Variants in EREG observed in about 807,000 individuals in gnomAD.
The protein encoded by EREG is proepiregulin.
EREG carries 23 observed loss-of-function variants against 22.4 expected under a neutral mutation model. That is an observed-to-expected ratio of 1.03 (90% CI 0.74 to 1.46). EREG has a LOEUF of 1.46. Among genes scored for constraint, EREG ranks in the 40% most tolerant of loss-of-function variants. The pLI is 0.00. For missense variants in EREG, 226 were observed against 205.9 expected, an observed-to-expected ratio of 1.10 and a Z score of -0.60; for synonymous variants, 100 against 75.4, an observed-to-expected ratio of 1.33 and a Z score of -1.69.
intron 1 of EREG, among the ~76,000 whole-genome samples, chr4:74,365,915 G>T (rs1378914652): frequency 2.0e-5 from 3 of 152,148 alleles, no homozygotes; most frequent in Non-Finnish European, 4.4e-5. Flanking sequence ...AGACACAAGA[G>T]AAATAAAACA....
chr4:74,378,433 G>T (rs920629363), intron 1 of EREG, among the ~76,000 whole-genome samples: 1 of 151,988 alleles, frequency 6.6e-6, no homozygotes, highest in Non-Finnish European at 1.5e-5. Context: ...TATCCCCCAC[G>T]GTAGGTATTA....
rs370226842 is a variant in EREG at position 74,365,967 on chromosome 4, C to T, written c.67+592C>T. Among the ~76,000 whole-genome samples the T allele has an allele frequency of 3.1e-3, 467 of 152,182 alleles. 1 individual carries two copies. Among genetic ancestry groups the T allele is most frequent in the Non-Finnish European group, 5.5e-3 (377 of 68,002 alleles). On this transcript the variant is annotated intron_variant, in intron 1 of 4. Coordinates refer to ENST00000244869, the MANE Select transcript of EREG (RefSeq NM_001432.3). Reference sequence around the variant, plus strand: ...GGAGCAGAAGGGCCCTGGGCAGGTCCTGGCGCTCCCCACCGCCCTTCGCCC... The same window carrying T: ...GGAGCAGAAGGGCCCTGGGCAGGTCTTGGCGCTCCCCACCGCCCTTCGCCC...
At chr4:74,372,974 ATTTTTTTTT>A (rs35483998) in intron 1 of EREG, among the ~76,000 whole-genome samples, 1 of 63,148 alleles carries the variant, frequency 1.6e-5, no homozygotes, top group Admixed American at 2.1e-4. Context: ...CATCTGGCTA[ATTTTTTTTT>A]TTTTTTTTTT....
In EREG at chr4:74,365,192, C is replaced by A; in HGVS notation, c.-117C>A. ...CAGAGGGACACAGCCAACGTGGGGTCCCTTCTAGGCTGACAGCCGCTCTCC... is the reference window on the plus strand; with the variant it reads ...CAGAGGGACACAGCCAACGTGGGGTACCTTCTAGGCTGACAGCCGCTCTCC... On this transcript the variant is annotated 5_prime_UTR_variant, in exon 1 of 5. Transcript: ENST00000244869. 1 of 739,118 alleles carries A rather than the reference C, an allele frequency of 1.4e-6. No individual in the cohort carries two copies. Among genetic ancestry groups the A allele is most frequent in the South Asian group, 1.6e-5 (1 of 63,478 alleles). 45.8% of individuals were successfully genotyped at this position (739,118 alleles called of 1,614,324 possible).
Position 74,382,647 on chromosome 4 carries a change from G to C in EREG, c.281G>C (p.Cys94Ser), listed in dbSNP as rs1752497455. The change falls in exon 4 of 5, where the codon TGT becomes TCT. Residue 94 changes from cysteine (C) to serine (S), a missense_variant and splice_region_variant. Physicochemically the swap from Cys to Ser is moderately radical, Grantham distance 112. Transcript: ENST00000244869. The part of the protein sequence containing the change: ...LVDMSQNYCR[C>S]EVGYTGVRCE... ...CTTTCTTCCGTATTTTCCTTCAGGTGTGAAGTGGGTTATACTGGTGTCCGA... is the reference window on the plus strand; with the variant it reads ...CTTTCTTCCGTATTTTCCTTCAGGTCTGAAGTGGGTTATACTGGTGTCCGA... 3 of 1,579,000 alleles carry C rather than the reference G, an allele frequency of 1.9e-6. No homozygotes were observed. The highest frequency in any genetic ancestry group is 4.5e-5 in the East Asian group (2 of 44,580).
chr4:74,373,623 T>G (rs1356353290), intron 1 of EREG, among the ~76,000 whole-genome samples: 1 of 144,514 alleles, frequency 6.9e-6, no homozygotes, highest in African/African-American at 2.5e-5. Context: ...TATATGTGAG[T>G]GTATATATAT....
chr4:74,382,343 C>G (rs893428522), intron 3 of EREG: 4 of 226,070 alleles, frequency 1.8e-5, no homozygotes, highest in Non-Finnish European at 3.4e-5. Flanking sequence ...AGAATTGATT[C>G]CACTGATTTA....
intron 1 of EREG, among the ~76,000 whole-genome samples, chr4:74,369,427 CAT>C (rs1752253985): frequency 6.6e-6 from 1 of 152,044 alleles, no homozygotes; most frequent in Non-Finnish European, 1.5e-5. Context: ...TAAGTGAGAA[CAT>C]ATGGTTTTTT....
intron 1 of EREG, among the ~76,000 whole-genome samples, chr4:74,369,058 C>T (rs1405707296): frequency 1.3e-5 from 2 of 152,132 alleles, no homozygotes; most frequent in African/African-American, 4.8e-5. Flanking sequence ...ATTTATAATA[C>T]TCAGGATGAT....
chr4:74,388,491 G>C lies in EREG; in HGVS notation c.*3683G>C, dbSNP rs1050745835. On this transcript the variant is annotated 3_prime_UTR_variant, in exon 5 of 5. Transcript: ENST00000244869. ...AGTTTGAAGAGCCATTTTGGTAAAC[G>C]GTTTTTATTAAAGATGCTATGGAAC... 2 of 152,326 alleles carry C rather than the reference G, an allele frequency of 1.3e-5. No homozygotes were observed. The highest frequency in any genetic ancestry group is 3.8e-4 in the East Asian group (2 of 5,200). The allele number at this position is 152,326 out of a possible 1,614,324, so 9.4% of individuals were successfully genotyped here.
chr4:74,386,546 T>C lies in EREG; in HGVS notation c.*1738T>C, dbSNP rs1752571923. ...TCATAGAATTGCAGTCATTTGGTGC[T>C]CTGCTAACCATTTATATAAAACTTA... is the stretch of plus-strand genomic sequence containing the variant. On this transcript the variant is annotated 3_prime_UTR_variant, in exon 5 of 5. Coordinates refer to ENST00000244869, the MANE Select transcript of EREG (RefSeq NM_001432.3). 6.6e-6 allele frequency: 1 copy of C among 152,234 alleles called. No homozygotes were observed. Among genetic ancestry groups the C allele is most frequent in the Admixed American group, 6.5e-5 (1 of 15,284 alleles). The allele number at this position is 152,234 out of a possible 1,614,324, so 9.4% of individuals were successfully genotyped here.
rs1207078193 is a variant in EREG at position 74,385,752 on chromosome 4, A to G, written c.*944A>G. ...AATTTGATGGACTAATTATTATTTT[A>G]AAATATATGAAGACAATAATTCTAC... On this transcript the variant is annotated 3_prime_UTR_variant, in exon 5 of 5. Transcript: ENST00000244869. 2.6e-6 allele frequency: 1 copy of G among 382,454 alleles called. No individual in the cohort carries two copies. The highest frequency in any genetic ancestry group is 4.6e-6 in the Non-Finnish European group (1 of 215,432). 23.7% of individuals were successfully genotyped at this position (382,454 alleles called of 1,614,324 possible). A position where few individuals can be genotyped will look rare whatever the true frequency, so the allele number is the denominator to read the frequency against.
chr4:74,377,172 A>G (rs963481960), intron 1 of EREG, among the ~76,000 whole-genome samples: 2 of 152,050 alleles, frequency 1.3e-5, no homozygotes, highest in Non-Finnish European at 2.9e-5. Context: ...AAAAAAAAAA[A>G]AAACATTAGT....
chr4:74,365,440 C>G, intron 1 of EREG, 65 bp downstream of exon 1: 1 of 1,427,046 alleles, frequency 7.0e-7, no homozygotes, highest in Non-Finnish European at 9.7e-7. Flanking sequence ...GGCTCCTGTG[C>G]ATTTGTCATT....
rs1256888345 is a variant in EREG at position 74,387,792 on chromosome 4, A to G, written c.*2984A>G. The G allele has an allele frequency of 6.6e-6, 1 of 152,226 alleles. No individual in the cohort carries two copies. The highest frequency in any genetic ancestry group is 1.9e-4 in the East Asian group (1 of 5,202). 9.4% of individuals were successfully genotyped at this position (152,226 alleles called of 1,614,324 possible). ...AAAGCAACCACAAATGCATAAATGCATAATTTATGGTCTTCAACCAAGGCC... is the reference window on the plus strand; with the variant it reads ...AAAGCAACCACAAATGCATAAATGCGTAATTTATGGTCTTCAACCAAGGCC... On this transcript the variant is annotated 3_prime_UTR_variant, in exon 5 of 5. Coordinates refer to ENST00000244869, the MANE Select transcript of EREG (RefSeq NM_001432.3).
rs1004507804 is a variant in EREG at position 74,388,096 on chromosome 4, C to G, written c.*3288C>G. On this transcript the variant is annotated 3_prime_UTR_variant, in exon 5 of 5. Coordinates refer to ENST00000244869, the MANE Select transcript of EREG (RefSeq NM_001432.3). ...AGTCTTTGAGACTAAATTCAATCAC[C>G]ACCAGGTATCAAATCAACTTTTATG... is the stretch of plus-strand genomic sequence containing the variant. 1 of 152,120 alleles carries G rather than the reference C, an allele frequency of 6.6e-6. No homozygotes were observed. The highest frequency in any genetic ancestry group is 1.5e-5 in the Non-Finnish European group (1 of 68,020). 9.4% of individuals were successfully genotyped at this position (152,120 alleles called of 1,614,324 possible).
chr4:74,386,813 A>T lies in EREG; in HGVS notation c.*2005A>T, dbSNP rs984234584. The T allele has an allele frequency of 6.6e-6, 1 of 151,630 alleles. No individual in the cohort carries two copies. The highest frequency in any genetic ancestry group is 1.5e-5 in the Non-Finnish European group (1 of 67,952). The allele number at this position is 151,630 out of a possible 1,614,324, so 9.4% of individuals were successfully genotyped here. A position where few individuals can be genotyped will look rare whatever the true frequency, so the allele number is the denominator to read the frequency against. On this transcript the variant is annotated 3_prime_UTR_variant, in exon 5 of 5. Transcript: ENST00000244869. The stretch of plus-strand genomic sequence containing the variant: ...TTACTTTTTTTTTTTTCTTTTTGAG[A>T]TGGAGTCTCGCTCTGTTGCCCAGGT...
Position 74,388,092 on chromosome 4 carries a change from TCACCACCA to T in EREG, c.*3285_*3292del, listed in dbSNP as rs1752601786. On this transcript the variant is annotated 3_prime_UTR_variant, in exon 5 of 5. Transcript: ENST00000244869. ...TATGAGTCTTTGAGACTAAATTCAA[TCACCACCA>T]GGTATCAAATCAACTTTTATGCAGC... 2 of 152,234 alleles carry T rather than the reference TCACCACCA, an allele frequency of 1.3e-5. No individual in the cohort carries two copies. Among genetic ancestry groups the T allele is most frequent in the Admixed American group, 1.3e-4 (2 of 15,284 alleles). The allele number at this position is 152,234 out of a possible 1,614,324, so 9.4% of individuals were successfully genotyped here. A position where few individuals can be genotyped will look rare whatever the true frequency, so the allele number is the denominator to read the frequency against.
chr4:74,382,005 A>AAAAAAAAAAT (rs1752485340), intron 3 of EREG: 1 of 136,718 alleles, frequency 7.3e-6, no homozygotes, highest in South Asian at 2.4e-4. Flanking sequence ...AAAAAAAAAA[A>AAAAAAAAAAT]AAAAAGAATT....
Sources: allele counts gnomAD v4.1 joint callset (sites outside exome capture counted in the v4.1 genomes callset), GRCh38; gene constraint gnomAD v4.1.1; transcripts MANE v1.5; gene names NCBI Gene and HGNC (gene_info 2026-07-23, HGNC 2026-07-21).